Variants in RAB3GAP1 observed in about 807,000 individuals in gnomAD.
The protein encoded by RAB3GAP1 is rab3 GTPase-activating protein catalytic subunit.
Under a neutral mutation model 130.7 loss-of-function variants are expected in RAB3GAP1, and 86 were observed. The observed-to-expected ratio is 0.66, with a 90% CI of 0.55 to 0.79. The LOEUF (loss-of-function observed/expected upper bound fraction) is 0.79, where lower values mean the gene tolerates loss of function less well. RAB3GAP1 is among the 30% of genes least tolerant of loss of function. The pLI is 0.00. For synonymous variants in RAB3GAP1, 367 were observed against 401.7 expected (o/e 0.91, Z 1.03); for missense variants, 1,029 against 1,169.4 (o/e 0.88, Z 1.75).
At chr2:135,059,400 T>G (rs1689106183) in intron 3 of RAB3GAP1, among the ~76,000 whole-genome samples, 1 of 152,192 alleles carries the variant, frequency 6.6e-6, no homozygotes, top group Admixed American at 6.5e-5. Context: ...ACCTGCTATG[T>G]GCCTGATGTG....
intron 9 of RAB3GAP1, among the ~76,000 whole-genome samples, chr2:135,125,239 G>A (rs1445004004): frequency 6.6e-6 from 1 of 152,086 alleles, no homozygotes; most frequent in Non-Finnish European, 1.5e-5. Context: ...CTTTGTGTCT[G>A]ACTTATTTTA....
chr2:135,110,256 C>T (rs1690759358), intron 5 of RAB3GAP1, among the ~76,000 whole-genome samples: 1 of 152,022 alleles, frequency 6.6e-6, no homozygotes, highest in South Asian at 2.1e-4. Flanking sequence ...ACCTCAGCCT[C>T]CCAAGCTGCT....
intron 11 of RAB3GAP1, among the ~76,000 whole-genome samples, chr2:135,129,195 G>A (rs1215193134): frequency 6.6e-6 from 1 of 151,378 alleles, no homozygotes; most frequent in Non-Finnish European, 1.5e-5. Flanking sequence ...ACTCACACTT[G>A]TAATCCCAGC....
At chr2:135,105,704 T>A (rs1255188915) in intron 5 of RAB3GAP1, among the ~76,000 whole-genome samples, 2 of 150,430 alleles carry the variant, frequency 1.3e-5, no homozygotes, top group African/African-American at 4.9e-5. Flanking sequence ...TCGTCTGGGA[T>A]GTGAGGAGCC....
chr2:135,147,183 T>TA (rs980979615), intron 17 of RAB3GAP1, among the ~76,000 whole-genome samples: 3 of 151,806 alleles, frequency 2.0e-5, no homozygotes, highest in African/African-American at 7.3e-5. Flanking sequence ...CTGTCTGTAC[T>TA]AAAAATACAA....
intron 7 of RAB3GAP1, among the ~76,000 whole-genome samples, chr2:135,115,756 G>A (rs115682468): frequency 1.5e-4 from 23 of 152,250 alleles, no homozygotes; most frequent in Non-Finnish European, 2.8e-4. Flanking sequence ...GCTCCTTAAG[G>A]TCTAAACACT....
intron 23 of RAB3GAP1, chr2:135,167,833 A>C (rs1692702181): frequency 1.3e-6 from 1 of 763,902 alleles, no homozygotes; most frequent in South Asian, 2.7e-5. Flanking sequence ...TACCTTGCTG[A>C]TGTTTAGCGC....
intron 3 of RAB3GAP1, 72 bp from the exon 4 acceptor site, chr2:135,090,926 C>T: frequency 7.1e-7 from 1 of 1,402,376 alleles, no homozygotes; most frequent in Non-Finnish European, 1.0e-6. Context: ...GGGAAAATAT[C>T]CCTGTCGTTA....
chr2:135,171,368 C>G (rs1341955385), downstream of RAB3GAP1, among the ~76,000 whole-genome samples: 1 of 152,062 alleles, frequency 6.6e-6, no homozygotes, highest in Non-Finnish European at 1.5e-5. Flanking sequence ...CACACTCTGG[C>G]AGGAGAGGAG....
chr2:135,130,737 G>A lies in RAB3GAP1; in HGVS notation c.1236+16G>A. On this transcript the variant is annotated intron_variant, in intron 13 of 23. Transcript: ENST00000264158. ...TATTCTCCTGGTAACTAAATGTTCT[G>A]TCTTTATAGGTCTATATGCAGAATC... is the stretch of plus-strand genomic sequence containing the variant. The A allele has an allele frequency of 6.3e-7, 1 of 1,593,792 alleles. No homozygotes were observed. Among genetic ancestry groups the A allele is most frequent in the Non-Finnish European group, 8.6e-7 (1 of 1,161,942 alleles).
At chr2:135,077,024 C>CT (rs1179538655) in intron 3 of RAB3GAP1, among the ~76,000 whole-genome samples, 1 of 151,654 alleles carries the variant, frequency 6.6e-6, no homozygotes, top group East Asian at 2.0e-4. Context: ...AATCCCAGCA[C>CT]TTTGGGATGC....
Position 135,076,155 on chromosome 2 carries a change from G to A in RAB3GAP1, c.151-14843G>A, listed in dbSNP as rs546801609. On this transcript the variant is annotated intron_variant, in intron 3 of 23. Transcript: ENST00000264158. ...CGATGATCTGACCTGCTGATCACCCGCCTCAGCCTCCGAAAGTGCTGGGAT... is the reference window on the plus strand; with the variant it reads ...CGATGATCTGACCTGCTGATCACCCACCTCAGCCTCCGAAAGTGCTGGGAT... Among the ~76,000 whole-genome samples, 11 of 152,144 alleles carry A rather than the reference G, an allele frequency of 7.2e-5. No individual in the cohort carries two copies. The South Asian group carries it at 1.7e-3, about 23-fold the overall frequency.
chr2:135,090,735 A>G (rs563499994), intron 3 of RAB3GAP1, among the ~76,000 whole-genome samples: 13 of 152,314 alleles, frequency 8.5e-5, no homozygotes, highest in East Asian at 3.9e-4. Flanking sequence ...ATGATTTTAT[A>G]TAGAGAATCT....
chr2:135,087,695 C>A (rs1690026053), intron 3 of RAB3GAP1, among the ~76,000 whole-genome samples: 1 of 152,072 alleles, frequency 6.6e-6, no homozygotes, highest in Admixed American at 6.5e-5. Flanking sequence ...TATAAAAATA[C>A]AGATGGTTAT....
At chr2:135,086,301 T>G (rs1689979546) in intron 3 of RAB3GAP1, among the ~76,000 whole-genome samples, 1 of 152,202 alleles carries the variant, frequency 6.6e-6, no homozygotes, top group African/African-American at 2.4e-5. Context: ...GCAAATTCTT[T>G]TCTAAAGTGT....
chr2:135,133,624 C>G (rs1483111105), intron 14 of RAB3GAP1, among the ~76,000 whole-genome samples: 1 of 152,070 alleles, frequency 6.6e-6, no homozygotes, highest in Non-Finnish European at 1.5e-5. Flanking sequence ...AAATTGAAAG[C>G]TGTAACTTTA....
At chr2:135,165,815 T>C (rs1692627921) in intron 23 of RAB3GAP1, among the ~76,000 whole-genome samples, 1 of 152,184 alleles carries the variant, frequency 6.6e-6, no homozygotes, top group Non-Finnish European at 1.5e-5. Flanking sequence ...TACAAGCGCA[T>C]TTCCTTGTTA....
At chr2:135,099,033 C>T (rs1690377897) in intron 5 of RAB3GAP1, among the ~76,000 whole-genome samples, 1 of 152,018 alleles carries the variant, frequency 6.6e-6, no homozygotes, top group Non-Finnish European at 1.5e-5. Flanking sequence ...TTACAAGATA[C>T]CATGAAGCAG....
At chr2:135,113,041 A>T in intron 5 of RAB3GAP1, 110 bp from the exon 6 acceptor site, 1 of 1,475,452 alleles carries the variant, frequency 6.8e-7, no homozygotes, top group Non-Finnish European at 9.4e-7. Context: ...CTTTTAGTTT[A>T]AACCTGACTT....
Sources: allele counts gnomAD v4.1 joint callset (sites outside exome capture counted in the v4.1 genomes callset), GRCh38; gene constraint gnomAD v4.1.1; transcripts MANE v1.5; gene names NCBI Gene and HGNC (gene_info 2026-07-23, HGNC 2026-07-21).